The following IGSF11 variants were observed in gnomAD, a reference collection of about 807,000 sequenced individuals.
IGSF11 encodes immunoglobulin superfamily member 11.
IGSF11 carries 22 observed loss-of-function variants against 41.0 expected under a neutral mutation model. The ratio of observed to expected loss-of-function variants is 0.54; its 90% CI spans 0.38 to 0.77. IGSF11 has a LOEUF of 0.77. Among genes scored for constraint, IGSF11 ranks in the 30% least tolerant of loss-of-function variants. IGSF11 has a pLI of 0.00. For missense variants in IGSF11, 444 were observed against 530.8 expected, an observed-to-expected ratio of 0.84 and a Z score of 1.61; for synonymous variants, 219 against 201.3, an observed-to-expected ratio of 1.09 and a Z score of -0.74.
chr3:119,047,485 T>A (rs1443505324), intron 1 of IGSF11, among the ~76,000 whole-genome samples: 8 of 152,220 alleles, frequency 5.3e-5, no homozygotes, highest in African/African-American at 1.7e-4. Flanking sequence ...AGGAGCACCC[T>A]GATTCATAAA....
upstream of IGSF11, chr3:119,105,262 A>G: frequency 9.9e-7 from 1 of 1,010,920 alleles, no homozygotes; most frequent in Non-Finnish European, 1.5e-6. Context: ...CATTATATGT[A>G]TTTCATTTTT....
intron 1 of IGSF11, among the ~76,000 whole-genome samples, chr3:119,062,251 C>G (rs1360914428): frequency 6.6e-6 from 1 of 152,166 alleles, no homozygotes; most frequent in African/African-American, 2.4e-5. Context: ...AAATATTTCA[C>G]TGCATTGTAT....
intron 1 of IGSF11, among the ~76,000 whole-genome samples, chr3:118,961,253 G>A (rs1025716728): frequency 7.9e-5 from 12 of 152,158 alleles, no homozygotes; most frequent in African/African-American, 2.7e-4. Flanking sequence ...AGAAACTTGC[G>A]GGCACCTGCA....
intron 1 of IGSF11, among the ~76,000 whole-genome samples, chr3:119,003,889 A>G (rs1450761631): frequency 6.7e-6 from 1 of 148,484 alleles, no homozygotes; most frequent in Admixed American, 6.7e-5. Context: ...GGATTTTTGC[A>G]TCGATATTCA....
Position 118,902,569 on chromosome 3 carries a change from GCAC to G in IGSF11, c.1244_1246del (p.Gly415del). On this transcript the variant is annotated inframe_deletion, in exon 7 of 7. Transcript: ENST00000393775. ...CTGGGCTGGTACCATGACAGGTACT[GCAC>G]CAATTCGTTCCAGTGTTGCGTGGCT... 6.2e-7 allele frequency: 1 copy of G among 1,613,076 alleles called. No homozygotes were observed. Among genetic ancestry groups the G allele is most frequent in the Non-Finnish European group, 8.5e-7 (1 of 1,179,822 alleles).
At chr3:119,103,183 G>C (rs1352991197) in intron 1 of IGSF11, among the ~76,000 whole-genome samples, 1 of 152,012 alleles carries the variant, frequency 6.6e-6, no homozygotes, top group Non-Finnish European at 1.5e-5. Context: ...ATTTTTAGTA[G>C]AGACAGGGTT....
intron 1 of IGSF11, among the ~76,000 whole-genome samples, chr3:119,087,006 C>T (rs1222548356): frequency 6.6e-6 from 1 of 152,138 alleles, no homozygotes; most frequent in Non-Finnish European, 1.5e-5. Context: ...CTTCAAGAGA[C>T]CTATCTCACA....
chr3:118,904,141 T>C (rs747402154), intron 6 of IGSF11, among the ~76,000 whole-genome samples: 1 of 152,108 alleles, frequency 6.6e-6, no homozygotes, highest in Non-Finnish European at 1.5e-5. Flanking sequence ...CCCTCAAATC[T>C]CCCCAGTATG....
At chr3:119,105,186 G>A (rs1430907642) in exon 1 of IGSF11, 3 of 1,604,730 alleles carry the variant, frequency 1.9e-6, no homozygotes, top group South Asian at 2.2e-5. Flanking sequence ...AGTTCCACCA[G>A]AGACATTTAT....
At chr3:118,973,616 T>TA (rs138734879) in intron 1 of IGSF11, among the ~76,000 whole-genome samples, 3,758 of 152,210 alleles carry the variant, frequency 0.025, 86 homozygotes, top group East Asian at 0.066. Flanking sequence ...TGCTACACTA[T>TA]AAAAAACTAT....
At chr3:119,062,622 C>G (rs1223842965) in intron 1 of IGSF11, among the ~76,000 whole-genome samples, 3 of 152,192 alleles carry the variant, frequency 2.0e-5, no homozygotes, top group Non-Finnish European at 2.9e-5. Context: ...AGTCCTGTTG[C>G]TGAATCTGCA....
intron 1 of IGSF11, among the ~76,000 whole-genome samples, chr3:118,975,488 G>C (rs1462125958): frequency 6.6e-6 from 1 of 152,094 alleles, no homozygotes; most frequent in African/African-American, 2.4e-5. Flanking sequence ...ATTTGTGAGG[G>C]GGTCTTTAAT....
At position 118,927,637 on chromosome 3, in the gene IGSF11, G is replaced by T. The variant is rs146151273; in HGVS notation, c.424+872C>A. 3.4e-3 allele frequency among the ~76,000 whole-genome samples: 513 copies of T among 152,250 alleles called. 3 individuals are homozygous for T. The highest frequency in any genetic ancestry group is 0.011 in the African/African-American group (459 of 41,552). ...AACAACAACGAAGGAAAAAGAAAGC[G>T]GGGGTGGAGTTTGACAAGGACTGCG... On this transcript the variant is annotated intron_variant, in intron 3 of 6. Coordinates refer to ENST00000393775, the MANE Select transcript of IGSF11 (RefSeq NM_001015887.3).
chr3:119,096,548 C>A (rs2076854376), intron 1 of IGSF11, among the ~76,000 whole-genome samples: 4 of 152,102 alleles, frequency 2.6e-5, no homozygotes, highest in Admixed American at 2.6e-4. Flanking sequence ...CTTTCCACTC[C>A]TCTGAATCTT....
intron 1 of IGSF11, among the ~76,000 whole-genome samples, chr3:118,977,468 T>C (rs1287821556): frequency 1.3e-5 from 2 of 152,282 alleles, no homozygotes; most frequent in South Asian, 2.1e-4. Context: ...CATCTCCTAA[T>C]GTCTACTCAC....
chr3:119,042,149 A>T (rs1054292172), intron 1 of IGSF11, among the ~76,000 whole-genome samples: 3 of 152,218 alleles, frequency 2.0e-5, no homozygotes, highest in Non-Finnish European at 4.4e-5. Flanking sequence ...TAAAGGAAAA[A>T]AATTAGATGA....
At chr3:119,072,116 A>G (rs528769271) in intron 1 of IGSF11, among the ~76,000 whole-genome samples, 4 of 152,320 alleles carry the variant, frequency 2.6e-5, no homozygotes, top group Non-Finnish European at 4.4e-5. Flanking sequence ...GTCTGGCTAT[A>G]TTTAGCACGT....
intron 1 of IGSF11, among the ~76,000 whole-genome samples, chr3:119,068,285 G>T (rs901220963): frequency 6.6e-6 from 1 of 152,118 alleles, no homozygotes; most frequent in Non-Finnish European, 1.5e-5. Flanking sequence ...CATATTATTT[G>T]TCCACTTCTA....
At chr3:118,997,776 T>C (rs1936418703) in intron 1 of IGSF11, among the ~76,000 whole-genome samples, 2 of 152,154 alleles carry the variant, frequency 1.3e-5, no homozygotes, top group South Asian at 2.1e-4. Flanking sequence ...ATAGCTGTCT[T>C]AGGACGTTAC....
Sources: gnomAD v4.1 joint callset for allele counts (sites outside exome capture counted in the v4.1 genomes callset) on GRCh38, gnomAD v4.1.1 for gene constraint, MANE v1.5 for transcripts, NCBI Gene and HGNC (gene_info 2026-07-23, HGNC 2026-07-21) for gene names.